MEGF10: variants seen among roughly 807,000 people sequenced by gnomAD.
MEGF10 encodes the protein multiple epidermal growth factor-like domains protein 10.
MEGF10 carries 86 observed loss-of-function variants against 147.5 expected under a neutral mutation model. The observed-to-expected ratio is 0.58, with a 90% CI of 0.49 to 0.70. The LOEUF (loss-of-function observed/expected upper bound fraction) is 0.70. Ranked by LOEUF, MEGF10 falls within the 30% of genes least tolerant of loss-of-function variation. The probability of loss-of-function intolerance (pLI) is 0.00; values close to 1 mark genes in which losing one functional copy is unlikely to be tolerated. For missense variants in MEGF10, 1,329 were observed against 1,487.3 expected (o/e 0.89, Z 1.75); for synonymous variants, 478 against 525.5 (o/e 0.91, Z 1.24).
intron 6 of MEGF10, among the ~76,000 whole-genome samples, chr5:127,397,137 G>A (rs1271748725): frequency 6.6e-6 from 1 of 152,196 alleles, no homozygotes; most frequent in South Asian, 2.1e-4. Flanking sequence ...CATTTATACT[G>A]CTGGTTGTTA....
At position 127,334,491 on chromosome 5, in the gene MEGF10, C is replaced by T. The variant is rs552877342; in HGVS notation, c.116+3067C>T. 8.5e-5 allele frequency among the ~76,000 whole-genome samples: 13 copies of T among 152,242 alleles called. No homozygotes were observed. In the South Asian group the frequency reaches 2.5e-3, roughly 29 times the overall value. Reference sequence around the variant, plus strand: ...TTCCATCAATGGCTTCTAGCTGCATCCCAATTGATATCTGAATATTTATTT... The same window carrying T: ...TTCCATCAATGGCTTCTAGCTGCATTCCAATTGATATCTGAATATTTATTT... On this transcript the variant is annotated intron_variant, in intron 2 of 24. Transcript: ENST00000503335.
At chr5:127,397,722 A>G (rs967327239) in intron 6 of MEGF10, among the ~76,000 whole-genome samples, 1 of 152,184 alleles carries the variant, frequency 6.6e-6, no homozygotes, top group Non-Finnish European at 1.5e-5. Context: ...TATTGCTTTT[A>G]TGGGTTTTCA....
At chr5:127,403,185 CTG>C (rs1764194561) in intron 8 of MEGF10, among the ~76,000 whole-genome samples, 1 of 152,198 alleles carries the variant, frequency 6.6e-6, no homozygotes, top group South Asian at 2.1e-4. Context: ...GAAAAAATGG[CTG>C]TGCTCATGCG....
Position 127,449,043 on chromosome 5 carries a change from G to A in MEGF10, c.2857-56G>A, listed in dbSNP as rs185421272. ...GACTTTTCCCCAGGTCCATAACGCT[G>A]TGCTGTGCCGCATTGTATTTTGTTT... On this transcript the variant is annotated intron_variant, in intron 21 of 24. Coordinates refer to ENST00000503335, the MANE Select transcript of MEGF10 (RefSeq NM_001256545.2). 1.1e-4 allele frequency: 183 copies of A among 1,603,184 alleles called. No individual in the cohort carries two copies. The African/African-American group carries it at 1.7e-3, about 15-fold the overall frequency.
intron 1 of MEGF10, among the ~76,000 whole-genome samples, chr5:127,328,554 A>C (rs1345260526): frequency 6.6e-6 from 1 of 152,238 alleles, no homozygotes; most frequent in Non-Finnish European, 1.5e-5. Context: ...CAAAGCAAGA[A>C]GAGAAACCAG....
chr5:127,420,085 A>G lies in MEGF10; in HGVS notation c.1468A>G (p.Thr490Ala), dbSNP rs1297578426. ...CTGCTCCATCAGATGTCCCAGTGGCACATGGGGCTTTGGCTGTAACTTAAC... is the reference window on the plus strand; with the variant it reads ...CTGCTCCATCAGATGTCCCAGTGGCGCATGGGGCTTTGGCTGTAACTTAAC... ...VDCSIRCPSG[T>A]WGFGCNLTCQ... Residue 490 changes from threonine to alanine, a missense_variant, in exon 12 of 25, where the codon ACA becomes GCA. This residue lies in a region of MEGF10 where 980 missense variants were observed against 1,085.9 expected (regional missense o/e 0.90). Transcript: ENST00000503335. The G allele has an allele frequency of 6.2e-7, 1 of 1,614,192 alleles. No homozygotes were observed. Among genetic ancestry groups the G allele is most frequent in the Non-Finnish European group, 8.5e-7 (1 of 1,180,038 alleles).
At chr5:127,319,570 C>G (rs1760713142) in intron 1 of MEGF10, among the ~76,000 whole-genome samples, 1 of 152,078 alleles carries the variant, frequency 6.6e-6, no homozygotes, top group Non-Finnish European at 1.5e-5. Context: ...GTCAGTTTAC[C>G]TTCCATCAGC....
chr5:127,389,560 T>C (rs1034049881), intron 5 of MEGF10, among the ~76,000 whole-genome samples: 107 of 152,264 alleles, frequency 7.0e-4, no homozygotes, highest in African/African-American at 2.4e-3. Context: ...GAAAAGGTGC[T>C]ACAAATACAC....
At chr5:127,270,193 G>C in the MEGF10 span, among the ~76,000 whole-genome samples, 1 of 152,144 alleles carries the variant, frequency 6.6e-6, no homozygotes, top group South Asian at 2.1e-4. Context: ...AAAATAACCA[G>C]CTAACATCAT....
Position 127,460,538 on chromosome 5 carries a change from G to A in MEGF10, c.*3220G>A, listed in dbSNP as rs1561661736. The A allele has an allele frequency of 6.6e-6, 1 of 152,136 alleles. No individual in the cohort carries two copies. Among genetic ancestry groups the A allele is most frequent in the Non-Finnish European group, 1.5e-5 (1 of 68,010 alleles). 9.4% of individuals were successfully genotyped at this position (152,136 alleles called of 1,614,324 possible). A position where few individuals can be genotyped will look rare whatever the true frequency, so the allele number is the denominator to read the frequency against. ...AACCAAATCCATCAGCATAATGACT[G>A]TGTGTTCTGAGAAATGCAAACAACT... On this transcript the variant is annotated 3_prime_UTR_variant, in exon 25 of 25. Transcript: ENST00000503335.
At chr5:127,377,311 C>T (rs930963472) in intron 5 of MEGF10, among the ~76,000 whole-genome samples, 4 of 152,200 alleles carry the variant, frequency 2.6e-5, no homozygotes, top group African/African-American at 9.6e-5. Context: ...ATAGAGAAAT[C>T]TATTTCACCT....
the MEGF10 span, among the ~76,000 whole-genome samples, chr5:127,274,320 A>G: frequency 9.8e-5 from 15 of 152,332 alleles, no homozygotes; most frequent in East Asian, 1.9e-4. Flanking sequence ...TTTTGTTTCA[A>G]TGAAGAAACC....
At chr5:127,397,802 G>T (rs568078302) in intron 6 of MEGF10, among the ~76,000 whole-genome samples, 3 of 152,164 alleles carry the variant, frequency 2.0e-5, no homozygotes, top group Non-Finnish European at 4.4e-5. Context: ...AAAGACAAAG[G>T]CTTAAAGAAG....
Position 127,297,480 on chromosome 5 carries a change from G to A in MEGF10, c.-19+6424G>A, listed in dbSNP as rs1759556262. On this transcript the variant is annotated intron_variant, in intron 1 of 24. Transcript: ENST00000503335. Reference sequence around the variant, plus strand: ...AACTGAGCAGGTAAGCCTGGGTATAGTAAGAGCCAAGTGGCAGTTTTGAGA... The same window carrying A: ...AACTGAGCAGGTAAGCCTGGGTATAATAAGAGCCAAGTGGCAGTTTTGAGA... Among the ~76,000 whole-genome samples the A allele has an allele frequency of 3.3e-5, 5 of 152,118 alleles. No homozygotes were observed. In the South Asian group the frequency reaches 1.0e-3, roughly 32 times the overall value.
At chr5:127,246,794 ATAT>A in the MEGF10 span, among the ~76,000 whole-genome samples, 3 of 124,978 alleles carry the variant, frequency 2.4e-5, no homozygotes, top group Non-Finnish European at 5.1e-5. Flanking sequence ...ATAATTTATA[ATAT>A]TTATAAATAT....
Position 127,420,045 on chromosome 5 carries a change from C to G in MEGF10, c.1428C>G (p.Gly476=). The G allele has an allele frequency of 1.2e-6, 2 of 1,613,932 alleles. No individual in the cohort carries two copies. The highest frequency in any genetic ancestry group is 2.2e-5 in the East Asian group (1 of 44,876). Residue 476 remains glycine, a splice_region_variant and synonymous_variant, in exon 12 of 25, where the codon GGC becomes GGG. Transcript: ENST00000503335. ...PVDGSCTCKA[G]WHGVDCSIRC... Reference sequence around the variant, plus strand: ...TGCTCTGGCGTTCTTGTCGCACAGGCTGGCACGGGGTGGACTGCTCCATCA... The same window carrying G: ...TGCTCTGGCGTTCTTGTCGCACAGGGTGGCACGGGGTGGACTGCTCCATCA...
intron 11 of MEGF10, 42 bp downstream of exon 11, chr5:127,419,282 G>A (rs375492977): frequency 4.4e-6 from 7 of 1,597,310 alleles, no homozygotes; most frequent in Admixed American, 1.8e-5. Context: ...TCCTGGTCAC[G>A]TTATCTCCTA....
chr5:127,334,354 TAC>T (rs1761385505), intron 2 of MEGF10, among the ~76,000 whole-genome samples: 3 of 152,086 alleles, frequency 2.0e-5, no homozygotes, highest in South Asian at 2.1e-4. Context: ...TTGTTAGAAA[TAC>T]AGACTCTCAG....
intron 4 of MEGF10, among the ~76,000 whole-genome samples, chr5:127,348,111 T>G (rs142814856): frequency 5.9e-4 from 90 of 152,194 alleles, no homozygotes; most frequent in African/African-American, 2.1e-3. Context: ...CATAAGATTT[T>G]CATGAGGTTT....
Sources: gnomAD v4.1 joint callset for allele counts (sites outside exome capture counted in the v4.1 genomes callset) on GRCh38, gnomAD v4.1.1 for gene constraint, gnomAD v4.1.1 regional missense constraint, MANE v1.5 for transcripts, NCBI Gene and HGNC (gene_info 2026-07-23, HGNC 2026-07-21) for gene names.